Variants in RIMBP2 observed in about 807,000 individuals in gnomAD.
RIMBP2 encodes RIMS binding protein 2.
Under a neutral mutation model 118.6 loss-of-function variants are expected in RIMBP2, and 48 were observed. That is an observed-to-expected ratio of 0.40 (90% CI 0.32 to 0.51). The LOEUF is 0.51. RIMBP2 is among the 20% of genes least tolerant of loss of function. The probability of loss-of-function intolerance (pLI) is 0.41; values close to 1 mark genes in which losing one functional copy is unlikely to be tolerated. For missense variants in RIMBP2, 1,551 were observed against 1,768.3 expected, an observed-to-expected ratio of 0.88 and a Z score of 2.20; for synonymous variants, 762 against 742.9, an observed-to-expected ratio of 1.03 and a Z score of -0.42.
At chr12:130,546,231 G>C (rs949870062) in intron 2 of RIMBP2, among the ~76,000 whole-genome samples, 1 of 151,530 alleles carries the variant, frequency 6.6e-6, no homozygotes, top group Non-Finnish European at 1.5e-5. Flanking sequence ...AGCCACCCGA[G>C]TAGCTGGGAC....
At chr12:130,487,402 C>A (rs2082581018) in intron 4 of RIMBP2, among the ~76,000 whole-genome samples, 1 of 152,140 alleles carries the variant, frequency 6.6e-6, no homozygotes, top group Admixed American at 6.5e-5. Context: ...CACTCGAGAG[C>A]TGGTTGTTTA....
In RIMBP2 at chr12:130,531,015, G is replaced by T. The variant is rs79307884; in HGVS notation, c.-216-13098C>A. ...GGACTGATCACTTTGATTGATGACC[G>T]ATTGAATTTGCCTTATGTACAGGGT... On this transcript the variant is annotated intron_variant, in intron 2 of 22. Transcript: ENST00000690449. Among the ~76,000 whole-genome samples, 5 of 152,158 alleles carry T rather than the reference G, an allele frequency of 3.3e-5. No individual in the cohort carries two copies. In the East Asian group the frequency reaches 9.6e-4, roughly 29 times the overall value.
intron 3 of RIMBP2, among the ~76,000 whole-genome samples, chr12:130,507,140 G>A (rs911978767): frequency 1.3e-5 from 2 of 152,172 alleles, no homozygotes; most frequent in Admixed American, 1.3e-4. Flanking sequence ...CACTTGTATA[G>A]GAACCCGGAA....
At chr12:130,481,012 G>A (rs1024621879) in intron 4 of RIMBP2, among the ~76,000 whole-genome samples, 11 of 152,184 alleles carry the variant, frequency 7.2e-5, no homozygotes, top group Non-Finnish European at 7.3e-5. Context: ...TCCTGAGGCC[G>A]CTGCCAACTC....
At position 130,617,139 on chromosome 12, in the gene RIMBP2, T is replaced by G. The variant is rs896936190; in HGVS notation, c.-217+11183A>C. ...AGGCCTGGTGCTGAGACCCTACCAG[T>G]CTCTTCTGTGTTTCATTGTCACCAA... On this transcript the variant is annotated intron_variant, in intron 2 of 22. Coordinates refer to ENST00000690449, the MANE Select transcript of RIMBP2 (RefSeq NM_001393629.1). This position sits in a 1 kb window ranked among gnomAD's most constrained non-coding sequence, Gnocchi z 4.6. Among the ~76,000 whole-genome samples, 1 of 151,984 alleles carries G rather than the reference T, an allele frequency of 6.6e-6. No individual in the cohort carries two copies. The highest frequency in any genetic ancestry group is 1.5e-5 in the Non-Finnish European group (1 of 67,986).
chr12:130,425,092 C>T (rs1364589386), intron 15 of RIMBP2: 4 of 377,880 alleles, frequency 1.1e-5, no homozygotes, highest in East Asian at 3.8e-5. Flanking sequence ...GCAGAGCCAG[C>T]GGGCCGGGCA....
chr12:130,462,169 C>T (rs552281243), intron 6 of RIMBP2, among the ~76,000 whole-genome samples: 3 of 152,308 alleles, frequency 2.0e-5, no homozygotes, highest in South Asian at 2.1e-4. Flanking sequence ...TAGATGCCCC[C>T]GGCTGTACCC....
At chr12:130,487,282 CCT>C (rs2082571336) in intron 4 of RIMBP2, among the ~76,000 whole-genome samples, 4 of 152,180 alleles carry the variant, frequency 2.6e-5, no homozygotes, top group African/African-American at 7.2e-5. Flanking sequence ...AAATGTGACC[CCT>C]GTGTTGGAGG....
rs1266333727 is a variant in RIMBP2, at chr12:130,688,136, C to G, written c.-352+28086G>C. On this transcript the variant is annotated intron_variant, in intron 1 of 22. Transcript: ENST00000690449. The surrounding 1 kb of genome is among the most constrained non-coding windows in gnomAD (Gnocchi z 4.7). ...TCGGTGACCAGGCTCTGATGCCATT[C>G]CAAGCATGGCCCCACAGCTCCCGGC... Among the ~76,000 whole-genome samples the G allele has an allele frequency of 3.9e-5, 6 of 152,192 alleles. No homozygotes were observed. In the East Asian group the frequency reaches 1.2e-3, roughly 29 times the overall value.
In RIMBP2 at chr12:130,422,176, A is replaced by G. The variant is rs978553350; in HGVS notation, c.3238+277T>C. Among the ~76,000 whole-genome samples the G allele has an allele frequency of 2.0e-5, 3 of 152,176 alleles. No individual in the cohort carries two copies. The highest frequency in any genetic ancestry group is 7.2e-5 in the African/African-American group (3 of 41,454). Reference sequence around the variant, plus strand: ...CCCATGCCAGGATGAGGGAGGTGACACAAAGTGGTCCCCCCTTCAGTGCTT... The same window carrying G: ...CCCATGCCAGGATGAGGGAGGTGACGCAAAGTGGTCCCCCCTTCAGTGCTT... On this transcript the variant is annotated intron_variant, in intron 17 of 22. Transcript: ENST00000690449. This position sits in a 1 kb window ranked among gnomAD's most constrained non-coding sequence, Gnocchi z 5.2.
chr12:130,613,164 T>C (rs1448627651), intron 2 of RIMBP2, among the ~76,000 whole-genome samples: 5 of 152,210 alleles, frequency 3.3e-5, no homozygotes, highest in Admixed American at 1.3e-4. Context: ...CAGAAGGCCA[T>C]GCCTGGTGAG....
chr12:130,661,064 A>G (rs903659882), intron 1 of RIMBP2, among the ~76,000 whole-genome samples: 3 of 152,226 alleles, frequency 2.0e-5, no homozygotes, highest in African/African-American at 7.2e-5. Flanking sequence ...AAAAAAGTAC[A>G]TAATATCTCA....
At chr12:130,676,867 G>A (rs1011691046) in intron 1 of RIMBP2, among the ~76,000 whole-genome samples, 1 of 152,156 alleles carries the variant, frequency 6.6e-6, no homozygotes, top group African/African-American at 2.4e-5. Flanking sequence ...CAGGGTGAGG[G>A]GAGGGAAAGC....
At chr12:130,624,748 G>A (rs749209885) in intron 2 of RIMBP2, among the ~76,000 whole-genome samples, 7 of 152,192 alleles carry the variant, frequency 4.6e-5, no homozygotes, top group East Asian at 1.9e-4. Context: ...TCTTTGAGAC[G>A]GAGTCTTGCG....
chr12:130,552,269 C>T (rs2055875662), intron 2 of RIMBP2, among the ~76,000 whole-genome samples: 1 of 152,170 alleles, frequency 6.6e-6, no homozygotes, highest in Admixed American at 6.5e-5. Flanking sequence ...GCAGTGTATA[C>T]AGGCTCAGTC....
At chr12:130,402,623 C>T (rs971595354) in intron 21 of RIMBP2, among the ~76,000 whole-genome samples, 35 of 152,202 alleles carry the variant, frequency 2.3e-4, no homozygotes, top group African/African-American at 7.7e-4. Flanking sequence ...TTCTCTCCTA[C>T]GCCTCATTTC....
At chr12:130,460,325 T>C (rs1241703130) in intron 6 of RIMBP2, among the ~76,000 whole-genome samples, 1 of 152,180 alleles carries the variant, frequency 6.6e-6, no homozygotes, top group Non-Finnish European at 1.5e-5. Context: ...AAAGCGGCGC[T>C]CGCAGGAGCA....
chr12:130,438,334 A>AGGCC, intron 12 of RIMBP2, 31 bp downstream of exon 12: 273 of 1,344,296 alleles, frequency 2.0e-4, no homozygotes, highest in Non-Finnish European at 2.7e-4. Context: ...GGGCCTAACA[A>AGGCC]ACCCTCCCCA....
chr12:130,614,395 C>G (rs2060770239), intron 2 of RIMBP2, among the ~76,000 whole-genome samples: 2 of 152,170 alleles, frequency 1.3e-5, no homozygotes, highest in African/African-American at 4.8e-5. Flanking sequence ...CCTAACAACA[C>G]AACACTTCTC....
Sources: allele counts gnomAD v4.1 joint callset (sites outside exome capture counted in the v4.1 genomes callset), GRCh38; gene constraint gnomAD v4.1.1; non-coding constraint Gnocchi (gnomAD v3.1); transcripts MANE v1.5; gene names NCBI Gene and HGNC (gene_info 2026-07-23, HGNC 2026-07-21).